CDKN3: variants seen among roughly 807,000 people sequenced by gnomAD.
The protein encoded by CDKN3 is cyclin-dependent kinase inhibitor 3.
CDKN3 carries 19 observed loss-of-function variants against 36.1 expected under a neutral mutation model. The ratio of observed to expected loss-of-function variants is 0.53; its 90% confidence interval spans 0.37 to 0.77. The LOEUF (loss-of-function observed/expected upper bound fraction) is 0.77, where lower values mean the gene tolerates loss of function less well. Ranked by LOEUF, CDKN3 falls within the 30% of genes least tolerant of loss-of-function variation. CDKN3 has a pLI of 0.00. For synonymous variants in CDKN3, 71 were observed against 85.3 expected (o/e 0.83, Z 0.92); for missense variants, 188 against 248.6 (o/e 0.76, Z 1.64).
At chr14:54,409,367 G>A (rs926211729) in intron 4 of CDKN3, among the ~76,000 whole-genome samples, 1 of 152,134 alleles carries the variant, frequency 6.6e-6, no homozygotes, top group African/African-American at 2.4e-5. Context: ...ATTTTCAAAA[G>A]ATTTTATTCT....
intron 1 of CDKN3, among the ~76,000 whole-genome samples, chr14:54,398,343 C>T (rs1182302814): frequency 6.6e-6 from 1 of 152,156 alleles, no homozygotes; most frequent in African/African-American, 2.4e-5. Flanking sequence ...TTATCTGATC[C>T]CCGAGTTTGG....
intron 5 of CDKN3, chr14:54,412,804 A>C (rs2030405377): frequency 4.2e-6 from 2 of 481,828 alleles, no homozygotes; most frequent in Non-Finnish European, 8.3e-6. Flanking sequence ...TGTATATTTC[A>C]TATTCTAATA....
chr14:54,416,740 A>T (rs4251655), intron 6 of CDKN3, among the ~76,000 whole-genome samples: 6,923 of 152,234 alleles, frequency 0.045, 375 homozygotes, highest in East Asian at 0.27. Flanking sequence ...GCCTGGGCCC[A>T]GGAGGTCAAG....
At chr14:54,404,738 C>A (rs1236651660) in intron 3 of CDKN3, among the ~76,000 whole-genome samples, 1 of 152,102 alleles carries the variant, frequency 6.6e-6, no homozygotes, top group African/African-American at 2.4e-5. Context: ...CCACACCCAG[C>A]TAATTTTTTT....
chr14:54,418,397 A>G, intron 7 of CDKN3: 1 of 635,880 alleles, frequency 1.6e-6, no homozygotes. Flanking sequence ...ATGAATGACT[A>G]TAATACAAAA....
chr14:54,402,636 C>T (rs1223995649), intron 3 of CDKN3, among the ~76,000 whole-genome samples: 2 of 152,106 alleles, frequency 1.3e-5, no homozygotes, highest in East Asian at 3.8e-4. Flanking sequence ...TGCCTATGTC[C>T]TGAATGGTAT....
At chr14:54,404,843 G>A (rs2030098840) in intron 3 of CDKN3, among the ~76,000 whole-genome samples, 1 of 152,204 alleles carries the variant, frequency 6.6e-6, no homozygotes, top group Non-Finnish European at 1.5e-5. Flanking sequence ...GCCTCCCAAG[G>A]TGCTGGGATT....
chr14:54,401,299 TA>T (rs1249252120), intron 2 of CDKN3, among the ~76,000 whole-genome samples: 1 of 152,192 alleles, frequency 6.6e-6, no homozygotes, highest in Non-Finnish European at 1.5e-5. Flanking sequence ...TTTTAAGACT[TA>T]AATAATAACA....
chr14:54,404,668 G>A (rs757923343), intron 3 of CDKN3, among the ~76,000 whole-genome samples: 7 of 151,870 alleles, frequency 4.6e-5, no homozygotes, highest in East Asian at 1.9e-4. Flanking sequence ...TCTGCCTCCC[G>A]GGTTCATGCC....
intron 5 of CDKN3, among the ~76,000 whole-genome samples, chr14:54,414,999 C>CTACAATACAATACAATACAATACAA (rs533167499): frequency 5.9e-4 from 90 of 152,084 alleles, no homozygotes; most frequent in African/African-American, 2.2e-3. Context: ...ACAGCTTTAC[C>CTACAATACAATACAATACAATACAA]TACAATACAA....
At chr14:54,398,860 G>A (rs1432296844) in intron 1 of CDKN3, among the ~76,000 whole-genome samples, 1 of 152,054 alleles carries the variant, frequency 6.6e-6, no homozygotes, top group African/African-American at 2.4e-5. Flanking sequence ...GGCCATGTGG[G>A]GATGTTTTTT....
At chr14:54,399,279 C>T (rs1886407145) in intron 1 of CDKN3, among the ~76,000 whole-genome samples, 1 of 152,098 alleles carries the variant, frequency 6.6e-6, no homozygotes, top group Non-Finnish European at 1.5e-5. Context: ...AGCCACCGCA[C>T]CCTCCCTTTC....
intron 7 of CDKN3, among the ~76,000 whole-genome samples, 167 bp from the exon 8 acceptor site, chr14:54,419,825 T>C (rs1186570075): frequency 6.6e-6 from 1 of 152,222 alleles, no homozygotes; most frequent in Admixed American, 6.5e-5. Flanking sequence ...CTATATGGCT[T>C]TACTAAAAGA....
intron 4 of CDKN3, among the ~76,000 whole-genome samples, chr14:54,410,964 AGGTCGGGAGTTCAAGAC>A (rs2030328730): frequency 1.3e-5 from 2 of 152,106 alleles, no homozygotes; most frequent in African/African-American, 4.8e-5. Flanking sequence ...AGATCAACTG[AGGTCGGGAGTTCAAGAC>A]CAGCCTGACA....
chr14:54,410,600 C>T (rs1168409904), intron 4 of CDKN3, among the ~76,000 whole-genome samples: 1 of 152,082 alleles, frequency 6.6e-6, no homozygotes, highest in Non-Finnish European at 1.5e-5. Flanking sequence ...TTACTGGCGA[C>T]CTAGTCTATA....
chr14:54,407,693 C>T (rs2030208756), intron 3 of CDKN3, among the ~76,000 whole-genome samples: 1 of 152,156 alleles, frequency 6.6e-6, no homozygotes, highest in East Asian at 1.9e-4. Context: ...GGATGCCCCT[C>T]CCCCCACCAA....
chr14:54,411,996 G>A (rs558467824), intron 5 of CDKN3, among the ~76,000 whole-genome samples: 7 of 152,246 alleles, frequency 4.6e-5, no homozygotes, highest in African/African-American at 1.4e-4. Context: ...TAGACCTTTA[G>A]TTGCAATTTT....
At position 54,399,949 on chromosome 14, in the gene CDKN3, A is replaced by T. The variant is rs1346380856; in HGVS notation, c.65A>T (p.Asp22Val). The part of the protein sequence containing the change: ...FDSSDEEPIE[D>V]EQTPIHISWL... ...TCATCAGATGAAGAGCCTATTGAAG[A>T]TGAACAGACTCCAATTCATATATCA... The change falls in exon 2 of 8, where the codon GAT (aspartate) becomes GTT (valine). Residue 22 changes from aspartate to valine, a missense_variant. Transcript: ENST00000335183. 3 of 1,545,606 alleles carry T rather than the reference A, an allele frequency of 1.9e-6. No individual in the cohort carries two copies. The highest frequency in any genetic ancestry group is 2.7e-6 in the Non-Finnish European group (3 of 1,117,804).
intron 4 of CDKN3, 21 bp downstream of exon 4, chr14:54,408,810 C>G: frequency 6.5e-7 from 1 of 1,545,884 alleles, no homozygotes; most frequent in Non-Finnish European, 8.7e-7. Flanking sequence ...TATCACGCAA[C>G]CACACTCATG....
Sources: gnomAD v4.1 joint callset for allele counts (sites outside exome capture counted in the v4.1 genomes callset) on GRCh38, gnomAD v4.1.1 for gene constraint, MANE v1.5 for transcripts, NCBI Gene and HGNC (gene_info 2026-07-23, HGNC 2026-07-21) for gene names.